GPLD1: variants seen among roughly 807,000 people sequenced by gnomAD.
GPLD1 encodes the protein phosphatidylinositol-glycan-specific phospholipase D.
In GPLD1, 84 loss-of-function variants were observed where a neutral mutation model predicts 112.6. The ratio of observed to expected loss-of-function variants is 0.75; its 90% confidence interval spans 0.63 to 0.89. The LOEUF is 0.89. Ranked by LOEUF, GPLD1 falls within the 40% of genes least tolerant of loss-of-function variation. The pLI is 0.00. For synonymous variants in GPLD1, 386 were observed against 403.8 expected (o/e 0.96, Z 0.53); for missense variants, 1,044 against 1,051.5 (o/e 0.99, Z 0.10).
rs76912366 is a variant in GPLD1, at chr6:24,468,535, G to A, written c.546-1261C>T. 2.9e-3 allele frequency among the ~76,000 whole-genome samples: 441 copies of A among 152,018 alleles called. 1 individual carries two copies. The highest frequency in any genetic ancestry group is 9.9e-3 in the African/African-American group (410 of 41,502). ...CCCATCTTTCTGGACTGAACCAATG[G>A]ACATTTTACTTATTTTTTTATTTTT... is the stretch of plus-strand genomic sequence containing the variant. On this transcript the variant is annotated intron_variant, in intron 7 of 24. Coordinates refer to ENST00000230036, the MANE Select transcript of GPLD1 (RefSeq NM_001503.4).
chr6:24,437,428 G>A, intron 20 of GPLD1, 139 bp from the exon 21 acceptor site: 1 of 714,758 alleles, frequency 1.4e-6, no homozygotes, highest in Non-Finnish European at 2.3e-6. Context: ...ATCTCCGGCA[G>A]TCAGGGAGGT....
At chr6:24,433,484 C>CT (rs58008688) in intron 22 of GPLD1, 95 bp from the exon 23 acceptor site, 5,190 of 435,008 alleles carry the variant, frequency 0.012, 53 homozygotes, top group East Asian at 0.035. Context: ...CTCATTTCTA[C>CT]TTTTTTTTTT....
Position 24,457,442 on chromosome 6 carries a change from T to G in GPLD1, c.1009-805A>C, listed in dbSNP as rs915758790. Among the ~76,000 whole-genome samples the G allele has an allele frequency of 2.6e-5, 4 of 151,958 alleles. No homozygotes were observed. The South Asian group carries it at 8.3e-4, about 32-fold the overall frequency. On this transcript the variant is annotated intron_variant, in intron 12 of 24. Transcript: ENST00000230036. ...GCTGCAATGAGCTGAGATCTCACCA[T>G]TGCACTCCAGCCTGAGCAACAGAAT...
At chr6:24,436,532 G>A (rs2273605) in intron 22 of GPLD1, 44 bp downstream of exon 22, 270,317 of 1,542,562 alleles carry the variant, frequency 0.18, 28,631 homozygotes, top group East Asian at 0.47. Flanking sequence ...TCAGCAATTA[G>A]TGATCCTTTC....
chr6:24,484,030 C>A (rs544663392), intron 2 of GPLD1, among the ~76,000 whole-genome samples: 1 of 152,316 alleles, frequency 6.6e-6, no homozygotes, highest in African/African-American at 2.4e-5. Flanking sequence ...ATTCTCCCGC[C>A]TCAGCCTCCC....
chr6:24,462,802 A>C lies in GPLD1; in HGVS notation c.822-7T>G, dbSNP rs756944486. 4.4e-6 allele frequency: 7 copies of C among 1,604,352 alleles called. No individual in the cohort carries two copies. The Admixed American group carries it at 5.0e-5, about 11-fold the overall frequency. On this transcript the variant is annotated splice_polypyrimidine_tract_variant and splice_region_variant and intron_variant, in intron 10 of 24. Transcript: ENST00000230036. ...CTCAGGCAGGTTGCAGTCACTGAGG[A>C]AACAGTCAAATGAGTTAGCCATTTA...
Position 24,473,639 on chromosome 6 carries a change from G to C in GPLD1, c.470C>G (p.Ala157Gly), listed in dbSNP as rs573617688. The C allele has an allele frequency of 1.9e-6, 3 of 1,608,510 alleles. No homozygotes were observed. The highest frequency in any genetic ancestry group is 1.1e-5 in the South Asian group (1 of 90,924). The change falls in exon 6 of 25, where the codon GCT (alanine) becomes GGT (glycine). Residue 157 changes from alanine (A) to glycine (G), a missense_variant. Ala to Gly is a moderately conservative substitution (Grantham distance 60, BLOSUM62 0). Transcript: ENST00000230036. ...AIDFHGSYSE[A>G]HSAGDFGGDV... ...AGTACCAAAATCACCAGCCGAATGA[G>C]CCTCTGAATAGGAGCCGTGAAAATC...
At position 24,495,108 on chromosome 6, in the gene GPLD1, G is replaced by A. The variant is rs368068626; in HGVS notation, n.98C>T. ...CGGCCTGGTCCCTGCCTCCGGGCCT[G>A]CGCCCGGCCCGGCCCAGCTCCGCTG... is the stretch of plus-strand genomic sequence containing the variant. On this transcript the variant is annotated non_coding_transcript_exon_variant, in exon 1 of 11. Transcript: ENST00000474784. 14 of 1,315,212 alleles carry A rather than the reference G, an allele frequency of 1.1e-5. No homozygotes were observed. The East Asian group carries it at 3.2e-4, about 30-fold the overall frequency. 81.5% of individuals were successfully genotyped at this position (1,315,212 alleles called of 1,614,324 possible). A position where few individuals can be genotyped will look rare whatever the true frequency, so the allele number is the denominator to read the frequency against.
intron 13 of GPLD1, among the ~76,000 whole-genome samples, chr6:24,454,935 C>T (rs1459892871): frequency 6.6e-6 from 1 of 152,122 alleles, no homozygotes; most frequent in Non-Finnish European, 1.5e-5. Context: ...TCGATACCAG[C>T]CTGGCCAAGA....
intron 13 of GPLD1, among the ~76,000 whole-genome samples, chr6:24,455,590 G>C (rs1040645044): frequency 1.3e-5 from 2 of 151,966 alleles, no homozygotes; most frequent in African/African-American, 2.4e-5. Flanking sequence ...AAAATCAGAG[G>C]AATTCCTAAC....
chr6:24,495,080 C>G, exon 1 of GPLD1: 1 of 1,319,992 alleles, frequency 7.6e-7, no homozygotes. Flanking sequence ...GCCCCCGCGC[C>G]GGCGGCCTGG....
chr6:24,476,322 G>A (rs1404449318), intron 3 of GPLD1, 44 bp from the exon 4 acceptor site: 18 of 1,061,964 alleles, frequency 1.7e-5, no homozygotes, highest in Non-Finnish European at 2.6e-5. Flanking sequence ...CTTAAAAGTT[G>A]GAGAGTCTCA....
intron 24 of GPLD1, 59 bp from the exon 25 acceptor site, chr6:24,429,177 G>C (rs1326594861): frequency 2.0e-5 from 21 of 1,034,352 alleles, no homozygotes; most frequent in Non-Finnish European, 2.6e-5. Flanking sequence ...GAGTTCCTAT[G>C]GTAGTCCAGG....
chr6:24,456,613 C>T lies in GPLD1; in HGVS notation c.1033G>A (p.Ala345Thr), dbSNP rs151000878. 7.8e-5 allele frequency: 125 copies of T among 1,603,980 alleles called. No homozygotes were observed. In the African/African-American group the frequency reaches 1.2e-3, roughly 15 times the overall value. ...ATTGTCCTTATGTTCCTTTCCAAAG[C>T]CTTGTAGATAAAGGACATGGAATCC... ...TPDSMSFIYK[A>T]LERNIRTMFI... Residue 345 changes from alanine (A) to threonine (T), a missense_variant, in exon 13 of 25, where the codon GCT becomes ACT. Physicochemically the swap from Ala to Thr is moderately conservative, Grantham distance 58. Transcript: ENST00000230036.
intron 24 of GPLD1, among the ~76,000 whole-genome samples, chr6:24,431,836 A>C (rs1581725164): frequency 6.6e-6 from 1 of 152,088 alleles, no homozygotes; most frequent in African/African-American, 2.4e-5. Flanking sequence ...CACCCAGCCA[A>C]GGTTAAACTT....
chr6:24,438,700 G>C lies in GPLD1; in HGVS notation c.2021-1411C>G, dbSNP rs921165818. On this transcript the variant is annotated intron_variant, in intron 20 of 24. Coordinates refer to ENST00000230036, the MANE Select transcript of GPLD1 (RefSeq NM_001503.4). ...TGACCTAACACAATGTCTCCTAAGA[G>C]AACAATGTGCCAGCACAACAGTTAA... 3.9e-5 allele frequency among the ~76,000 whole-genome samples: 6 copies of C among 152,274 alleles called. No homozygotes were observed. In the Middle Eastern group the frequency reaches 0.01, roughly 259 times the overall value.
Position 24,427,136 on chromosome 6 carries a change from CAAAAT to C in GPLD1, c.*1891_*1895del, listed in dbSNP as rs1166501235. ...GAAAGAGGTTCTTCCCAATTTAACA[CAAAAT>C]AAACTAGTTACTGTTTACAGATAAT... On this transcript the variant is annotated 3_prime_UTR_variant, in exon 25 of 25. Transcript: ENST00000230036. Among the ~76,000 whole-genome samples the C allele has an allele frequency of 6.6e-6, 1 of 152,186 alleles. No homozygotes were observed. The highest frequency in any genetic ancestry group is 2.4e-5 in the African/African-American group (1 of 41,432).
intron 14 of GPLD1, among the ~76,000 whole-genome samples, chr6:24,451,277 C>T (rs148221039): frequency 1.3e-5 from 2 of 152,086 alleles, no homozygotes; most frequent in East Asian, 1.9e-4. Flanking sequence ...CTTATCCTAC[C>T]GTCTGGAATC....
chr6:24,456,451 A>G, intron 13 of GPLD1, 47 bp downstream of exon 13: 1 of 1,263,694 alleles, frequency 7.9e-7, no homozygotes, highest in Non-Finnish European at 1.1e-6. Flanking sequence ...ATTGAATAAA[A>G]TTAATACTGA....
Sources: gnomAD v4.1 joint callset for allele counts (sites outside exome capture counted in the v4.1 genomes callset) on GRCh38, gnomAD v4.1.1 for gene constraint, MANE v1.5 for transcripts, NCBI Gene and HGNC (gene_info 2026-07-23, HGNC 2026-07-21) for gene names.